The following ALDH1L1 variants were observed in gnomAD, a reference collection of about 807,000 sequenced individuals.
ALDH1L1 encodes cytosolic 10-formyltetrahydrofolate dehydrogenase.
In ALDH1L1, 68 loss-of-function variants were observed where a neutral mutation model predicts 101.1. The observed-to-expected ratio is 0.67, with a 90% CI of 0.55 to 0.82. The LOEUF (loss-of-function observed/expected upper bound fraction) is 0.82. Ranked by LOEUF, ALDH1L1 falls within the 40% of genes least tolerant of loss-of-function variation. The pLI is 0.00. For missense variants in ALDH1L1, 1,087 were observed against 1,172.7 expected (o/e 0.93, Z 1.07); for synonymous variants, 486 against 470.8 (o/e 1.03, Z -0.42).
chr3:126,187,759 C>T (rs1343328208), intron 1 of ALDH1L1, among the ~76,000 whole-genome samples: 2 of 152,240 alleles, frequency 1.3e-5, no homozygotes, highest in East Asian at 1.9e-4. Flanking sequence ...TTGAGGGAAA[C>T]TATCAAGGGC....
chr3:126,171,474 G>A (rs146857366), intron 1 of ALDH1L1, among the ~76,000 whole-genome samples: 3,175 of 152,178 alleles, frequency 0.021, 91 homozygotes, highest in Non-Finnish European at 0.023. Flanking sequence ...AAGAGAGTGT[G>A]CCTCTGACCT....
Position 126,171,887 on chromosome 3 carries a change from C to G in ALDH1L1, c.-24+8589G>C, listed in dbSNP as rs1020446094. Among the ~76,000 whole-genome samples the G allele has an allele frequency of 7.9e-5, 12 of 152,274 alleles. No individual in the cohort carries two copies. The South Asian group carries it at 2.5e-3, about 32-fold the overall frequency. On this transcript the variant is annotated intron_variant, in intron 1 of 22. Coordinates refer to ENST00000393434, the MANE Select transcript of ALDH1L1 (RefSeq NM_012190.4). ...TGTAGGACTGTAAAACACTTCCCCC[C>G]ACCAAAACACCTTGCTACTACATCC...
intron 5 of ALDH1L1, among the ~76,000 whole-genome samples, chr3:126,154,902 C>A (rs531411209): frequency 6.6e-6 from 1 of 152,192 alleles, no homozygotes; most frequent in Non-Finnish European, 1.5e-5. Context: ...AGACCCTACA[C>A]AGAGGCCCCA....
intron 9 of ALDH1L1, among the ~76,000 whole-genome samples, chr3:126,142,709 T>C (rs762980338): frequency 2.0e-5 from 3 of 152,192 alleles, no homozygotes; most frequent in Non-Finnish European, 4.4e-5. Flanking sequence ...ATAAAGGCCA[T>C]ATTTGAAAAA....
rs3843355 is a variant in ALDH1L1 at position 126,148,607 on chromosome 3, C to A, written c.985-1681G>T. The stretch of plus-strand genomic sequence containing the variant: ...TGGCCTTAGGGGGCTGCACGGTGAA[C>A]AGCTAGAGGAGGACTTGAGCCCAGC... On this transcript the variant is annotated intron_variant, in intron 8 of 22. Coordinates refer to ENST00000393434, the MANE Select transcript of ALDH1L1 (RefSeq NM_012190.4). Among the ~76,000 whole-genome samples the A allele has an allele frequency of 3.9e-5, 6 of 152,072 alleles. No individual in the cohort carries two copies. The East Asian group carries it at 7.8e-4, about 20-fold the overall frequency.
rs145786281 is a variant in ALDH1L1, at chr3:126,107,329, C to T, written c.2348-83G>A. On this transcript the variant is annotated intron_variant, in intron 20 of 22. Transcript: ENST00000393434. ...CTCTCCGTCAGCAGGGCCTGGGCCA[C>T]ACCAGCCACCTGCGGATGACCCGAC... The T allele has an allele frequency of 5.5e-4, 612 of 1,108,486 alleles. 6 individuals carry two copies. In the African/African-American group the frequency reaches 8.6e-3, roughly 16 times the overall value. The allele number at this position is 1,108,486 out of a possible 1,614,324, so 68.7% of individuals were successfully genotyped here.
chr3:126,155,595 G>T, intron 4 of ALDH1L1, 92 bp from the exon 5 acceptor site: 1 of 1,074,270 alleles, frequency 9.3e-7, no homozygotes, highest in Non-Finnish European at 1.3e-6. Context: ...CCCTTCCCCA[G>T]ACTGACCAGA....
intron 22 of ALDH1L1, chr3:126,105,468 A>G (rs1052859411): frequency 3.9e-6 from 2 of 506,994 alleles, no homozygotes; most frequent in African/African-American, 1.9e-5. Flanking sequence ...ACCACACCAG[A>G]GAGGCCCCCA....
At chr3:126,130,089 C>A (rs967232303) in intron 14 of ALDH1L1, 134 bp downstream of exon 14, 32 of 754,118 alleles carry the variant, frequency 4.2e-5, no homozygotes, top group African/African-American at 1.8e-5. Context: ...GGAGCAGGTG[C>A]TCAAGAAGCA....
At chr3:126,153,679 G>A in intron 6 of ALDH1L1, 98 bp from the exon 7 acceptor site, 2 of 1,448,128 alleles carry the variant, frequency 1.4e-6, no homozygotes, top group Non-Finnish European at 1.8e-6. Context: ...AGGGAGAGGG[G>A]CCAGGGGTAG....
chr3:126,113,321 T>C (rs1230704303), intron 18 of ALDH1L1, among the ~76,000 whole-genome samples: 1 of 151,972 alleles, frequency 6.6e-6, no homozygotes, highest in Non-Finnish European at 1.5e-5. Flanking sequence ...GAGCAGGCGG[T>C]GGGTGACAGG....
rs116712084 is a variant in ALDH1L1 at position 126,118,243 on chromosome 3, C to T, written c.1889-145G>A. The T allele has an allele frequency of 1.9e-3, 1,269 of 667,118 alleles. 23 individuals are homozygous for T. The African/African-American group carries it at 0.02, about 11-fold the overall frequency. 41.3% of individuals were successfully genotyped at this position (667,118 alleles called of 1,614,324 possible). On this transcript the variant is annotated intron_variant, in intron 16 of 22. Transcript: ENST00000393434. The stretch of plus-strand genomic sequence containing the variant: ...TGCTTGATCCCCATGGTGCCTGGGG[C>T]TCATGGAGCCTCGCTCCCTATTAGG...
chr3:126,130,329 A>T, intron 13 of ALDH1L1, 36 bp from the exon 14 acceptor site: 1 of 1,568,044 alleles, frequency 6.4e-7, no homozygotes, highest in South Asian at 1.2e-5. Flanking sequence ...CCAGGGGCCC[A>T]GGGTCCACAC....
chr3:126,170,844 C>T lies in ALDH1L1; in HGVS notation c.-24+9632G>A, dbSNP rs1469325528. ...GCCAGAAAGAGCAGACAGTAAAACA[C>T]GGATAAGACAGCTGGGACACAAAGG... On this transcript the variant is annotated intron_variant, in intron 1 of 22. Coordinates refer to ENST00000393434, the MANE Select transcript of ALDH1L1 (RefSeq NM_012190.4). 7.9e-5 allele frequency among the ~76,000 whole-genome samples: 12 copies of T among 152,248 alleles called. No individual in the cohort carries two copies. In the South Asian group the frequency reaches 1.9e-3, roughly 24 times the overall value.
At chr3:126,112,421 A>G (rs1946108575) in intron 19 of ALDH1L1, among the ~76,000 whole-genome samples, 1 of 152,112 alleles carries the variant, frequency 6.6e-6, no homozygotes, top group Non-Finnish European at 1.5e-5. Context: ...CTCTTGCTCC[A>G]TTCTGTCCAG....
intron 22 of ALDH1L1, chr3:126,105,087 C>T (rs536051282): frequency 1.1e-4 from 3 of 28,168 alleles, no homozygotes; most frequent in Admixed American, 4.2e-4. Flanking sequence ...CGGGGGACCC[C>T]GCCTGCTATG....
intron 1 of ALDH1L1, among the ~76,000 whole-genome samples, chr3:126,166,459 A>C (rs966719695): frequency 6.6e-6 from 1 of 152,248 alleles, no homozygotes. Context: ...ATGGATATCC[A>C]AGAAAGTATA....
chr3:126,192,221 G>A (rs1478938443), intron 1 of ALDH1L1, among the ~76,000 whole-genome samples: 1 of 152,102 alleles, frequency 6.6e-6, no homozygotes, highest in African/African-American at 2.4e-5. Flanking sequence ...CTTGTCCCTT[G>A]ATTTTTTTTA....
intron 9 of ALDH1L1, 51 bp downstream of exon 9, chr3:126,146,784 G>A (rs1486196982): frequency 6.3e-7 from 1 of 1,583,700 alleles, no homozygotes; most frequent in Non-Finnish European, 8.6e-7. Flanking sequence ...GCAGAGATTT[G>A]TGACACAGCA....
Sources: allele counts gnomAD v4.1 joint callset (sites outside exome capture counted in the v4.1 genomes callset), GRCh38; gene constraint gnomAD v4.1.1; transcripts MANE v1.5; gene names NCBI Gene and HGNC (gene_info 2026-07-23, HGNC 2026-07-21).